MMAB: variants seen among roughly 807,000 people sequenced by gnomAD.
The protein encoded by MMAB is metabolism of cobalamin associated B, also known as corrinoid adenosyltransferase MMAB.
Under a neutral mutation model 30.6 loss-of-function variants are expected in MMAB, and 17 were observed. The observed-to-expected ratio is 0.56, with a 90% CI of 0.38 to 0.83. The LOEUF (loss-of-function observed/expected upper bound fraction) is 0.83. MMAB is among the 40% of genes least tolerant of loss of function. The pLI, the probability that MMAB is intolerant of heterozygous loss-of-function variation, is 0.00. For missense variants in MMAB, 311 were observed against 331.6 expected (o/e 0.94, Z 0.48); for synonymous variants, 134 against 138.6 (o/e 0.97, Z 0.23).
Position 109,556,675 on chromosome 12 carries a change from C to T in MMAB, c.*353G>A, listed in dbSNP as rs564849110. On this transcript the variant is annotated 3_prime_UTR_variant, in exon 9 of 9. Transcript: ENST00000545712. ...ACACACACACACACACACACACACA[C>T]ACACACACACACACACACGGCTCCA... is the stretch of plus-strand genomic sequence containing the variant. The T allele has an allele frequency of 2.1e-6, 1 of 466,362 alleles. No homozygotes were observed. Among genetic ancestry groups the T allele is most frequent in the Admixed American group, 2.3e-5 (1 of 42,876 alleles). 28.9% of individuals were successfully genotyped at this position (466,362 alleles called of 1,614,324 possible). A position where few individuals can be genotyped will look rare whatever the true frequency, so the allele number is the denominator to read the frequency against.
chr12:109,573,471 A>G lies in MMAB; in HGVS notation c.10T>C (p.Cys4Arg), dbSNP rs146668962. 1.7e-4 allele frequency: 265 copies of G among 1,604,708 alleles called. 1 individual carries two copies. In the African/African-American group the frequency reaches 3.3e-3, roughly 20 times the overall value. Residue 4 changes from cysteine to arginine, a missense_variant, in exon 1 of 9, where the codon TGC becomes CGC. By Grantham distance (180) the Cys-to-Arg change is radical. Transcript: ENST00000545712. Reference sequence around the variant, plus strand: ...AGGCCAAGACGGCTCCCCAGGCCGCACACAGCCATGAGCCAGGCTGCTTGA... The same window carrying G: ...AGGCCAAGACGGCTCCCCAGGCCGCGCACAGCCATGAGCCAGGCTGCTTGA... MAV[C>R]GLGSRLGLGS...
At chr12:109,565,631 A>C (rs1043114188) in intron 3 of MMAB, among the ~76,000 whole-genome samples, 3 of 152,166 alleles carry the variant, frequency 2.0e-5, no homozygotes, top group Non-Finnish European at 2.9e-5. Flanking sequence ...CAAAGCTTAC[A>C]CCTTCATGTT....
At position 109,573,437 on chromosome 12, in the gene MMAB, C is replaced by T. The variant is rs367711757; in HGVS notation, c.44G>A (p.Arg15His). The change falls in exon 1 of 9, where the codon CGT becomes CAT. Residue 15 changes from arginine (R) to histidine (H), a missense_variant. Arg to His is a conservative substitution (Grantham distance 29). Transcript: ENST00000545712. Reference sequence around the variant, plus strand: ...GCCGAAGCACCCGCGCAGGCCAAGACGGCTCCCCAGGCCAAGACGGCTCCC... The same window carrying T: ...GCCGAAGCACCCGCGCAGGCCAAGATGGCTCCCCAGGCCAAGACGGCTCCC... ...GLGSRLGLGS[R>H]LGLRGCFGAA... 60 of 1,607,008 alleles carry T rather than the reference C, an allele frequency of 3.7e-5. No individual in the cohort carries two copies. Among genetic ancestry groups the T allele is most frequent in the Non-Finnish European group, 4.5e-5 (53 of 1,177,844 alleles).
At chr12:109,568,453 A>C (rs1884516947) in intron 3 of MMAB, 1 of 483,336 alleles carries the variant, frequency 2.1e-6, no homozygotes, top group Non-Finnish European at 3.8e-6. Flanking sequence ...GCATTATACT[A>C]ACTCACCTCT....
At chr12:109,562,007 T>G (rs1365493796) in intron 4 of MMAB, among the ~76,000 whole-genome samples, 155 bp from the exon 5 acceptor site, 1 of 152,178 alleles carries the variant, frequency 6.6e-6, no homozygotes, top group Non-Finnish European at 1.5e-5. Flanking sequence ...CATCCAAATC[T>G]CATGTTAAAT....
chr12:109,562,804 G>T lies in MMAB; in HGVS notation c.349-952C>A, dbSNP rs1449168842. ...TGGGTGAGGCCTGTGCTCTGTCCAG[G>T]TGGGGAGTGGGTTTGCTTGGAACAG... is the stretch of plus-strand genomic sequence containing the variant. On this transcript the variant is annotated intron_variant, in intron 4 of 8. Transcript: ENST00000545712. 4.6e-5 allele frequency among the ~76,000 whole-genome samples: 7 copies of T among 152,208 alleles called. No homozygotes were observed. In the East Asian group the frequency reaches 1.2e-3, roughly 25 times the overall value.
At position 109,554,150 on chromosome 12, in the gene MMAB, C is replaced by A; in HGVS notation, c.*2878G>T. 1 of 453,690 alleles carries A rather than the reference C, an allele frequency of 2.2e-6. No individual in the cohort carries two copies. Among genetic ancestry groups the A allele is most frequent in the South Asian group, 1.6e-5 (1 of 64,480 alleles). 28.1% of individuals were successfully genotyped at this position (453,690 alleles called of 1,614,324 possible). ...GTGACGAGGCCGCGTCCGGGGCTCA[C>A]ATCTTGGCACTGACTCCCCAGGACA... On this transcript the variant is annotated 3_prime_UTR_variant, in exon 9 of 9. Transcript: ENST00000545712.
In MMAB at chr12:109,554,017, G is replaced by T. The variant is rs1462124202; in HGVS notation, c.*3011C>A. 6 of 453,996 alleles carry T rather than the reference G, an allele frequency of 1.3e-5. No individual in the cohort carries two copies. The highest frequency in any genetic ancestry group is 2.6e-5 in the Non-Finnish European group (6 of 226,792). 28.1% of individuals were successfully genotyped at this position (453,996 alleles called of 1,614,324 possible). A position where few individuals can be genotyped will look rare whatever the true frequency, so the allele number is the denominator to read the frequency against. ...GTTAAGGGAAACTAGGTTGAGAAAT[G>T]AGACAGCAGGATCTATCAGAGCCTG... On this transcript the variant is annotated 3_prime_UTR_variant, in exon 9 of 9. Transcript: ENST00000545712.
In MMAB at chr12:109,561,907, G is replaced by A; in HGVS notation, c.349-55C>T. ...ATCTATGTGAGATGGGCTGGACAGA[G>A]ACAATGTGCAGAGGCGCCACCTAAT... On this transcript the variant is annotated intron_variant, in intron 4 of 8. Transcript: ENST00000545712. This position sits in a 1 kb window ranked among gnomAD's most constrained non-coding sequence, Gnocchi z 5.3. 6.6e-7 allele frequency: 1 copy of A among 1,511,938 alleles called. No homozygotes were observed. Among genetic ancestry groups the A allele is most frequent in the Non-Finnish European group, 9.0e-7 (1 of 1,105,986 alleles). The allele number at this position is 1,511,938 out of a possible 1,614,324, so 93.7% of individuals were successfully genotyped here.
chr12:109,565,355 G>A (rs573172412), intron 3 of MMAB, among the ~76,000 whole-genome samples, 179 bp from the exon 4 acceptor site: 7 of 152,290 alleles, frequency 4.6e-5, no homozygotes, highest in Admixed American at 4.6e-4. Context: ...GGTGGTATTT[G>A]TTTCTTGAAA....
At chr12:109,565,634 T>G (rs1249965453) in intron 3 of MMAB, among the ~76,000 whole-genome samples, 1 of 152,184 alleles carries the variant, frequency 6.6e-6, no homozygotes, top group East Asian at 1.9e-4. Flanking sequence ...AGCTTACACC[T>G]TCATGTTCAG....
Position 109,569,516 on chromosome 12 carries a change from G to A in MMAB, c.197-653C>T, listed in dbSNP as rs967101169. 2.0e-5 allele frequency among the ~76,000 whole-genome samples: 3 copies of A among 152,048 alleles called. No individual in the cohort carries two copies. The highest frequency in any genetic ancestry group is 2.9e-5 in the Non-Finnish European group (2 of 68,014). ...CCATCCTGATAAAGAAATACAACAC[G>A]TTCTATATTTTATATCATATATACA... On this transcript the variant is annotated intron_variant, in intron 2 of 8. Coordinates refer to ENST00000545712, the MANE Select transcript of MMAB (RefSeq NM_052845.4). This position sits in a 1 kb window ranked among gnomAD's most constrained non-coding sequence, Gnocchi z 4.1.
chr12:109,566,968 GCTGA>G (rs763105287), intron 3 of MMAB: 84 of 455,940 alleles, frequency 1.8e-4, no homozygotes, highest in Middle Eastern at 1.7e-3. Context: ...TACCCGGCTG[GCTGA>G]CTATCTGTAC....
At chr12:109,560,314 C>G (rs955216778) in intron 7 of MMAB, among the ~76,000 whole-genome samples, 1 of 152,284 alleles carries the variant, frequency 6.6e-6, no homozygotes, top group East Asian at 1.9e-4. Flanking sequence ...TTTCTCTGAG[C>G]CACAGCTTCC....
intron 8 of MMAB, 139 bp from the exon 9 acceptor site, chr12:109,557,275 C>T (rs1031234110): frequency 1.4e-6 from 1 of 712,956 alleles, no homozygotes; most frequent in Non-Finnish European, 2.5e-6. Flanking sequence ...GGGCGGGGGC[C>T]CAGCCATCTT....
rs180700293 is a variant in MMAB at position 109,558,632 on chromosome 12, C to T, written c.644+464G>A. On this transcript the variant is annotated intron_variant, in intron 8 of 8. Coordinates refer to ENST00000545712, the MANE Select transcript of MMAB (RefSeq NM_052845.4). The surrounding 1 kb of genome is among the most constrained non-coding windows in gnomAD (Gnocchi z 4.3). ...CCTGGGCTAGCCTGGCTCACTGGGG[C>T]CTGCATGGGGTCCCCTGAGCGCAGC... Among the ~76,000 whole-genome samples the T allele has an allele frequency of 0.011, 1,607 of 152,120 alleles. 31 individuals carry two copies. Among genetic ancestry groups the T allele is most frequent in the African/African-American group, 0.037 (1,541 of 41,516 alleles).
intron 7 of MMAB, 135 bp from the exon 8 acceptor site, chr12:109,559,290 A>G: frequency 1.4e-6 from 1 of 730,058 alleles, no homozygotes; most frequent in South Asian, 1.5e-5. Flanking sequence ...CCGGCAGTGG[A>G]GATGACAAAT....
chr12:109,557,244 T>C, intron 8 of MMAB, 108 bp from the exon 9 acceptor site: 2 of 807,450 alleles, frequency 2.5e-6, no homozygotes, highest in Non-Finnish European at 4.3e-6. Flanking sequence ...AATGACGCAC[T>C]CTGGGCACAT....
rs1455449419 is a variant in MMAB, at chr12:109,573,476, G to A, written c.5C>T (p.Ala2Val). Residue 2 changes from alanine (A) to valine (V), a missense_variant, in exon 1 of 9, where the codon GCT becomes GTT. Physicochemically the swap from Ala to Val is moderately conservative, Grantham distance 64. Coordinates refer to ENST00000545712, the MANE Select transcript of MMAB (RefSeq NM_052845.4). ...AAGACGGCTCCCCAGGCCGCACACA[G>A]CCATGAGCCAGGCTGCTTGACGGGA... M[A>V]VCGLGSRLGL... The A allele has an allele frequency of 3.4e-5, 55 of 1,603,248 alleles. No homozygotes were observed. The highest frequency in any genetic ancestry group is 4.7e-5 in the Non-Finnish European group (55 of 1,178,128).
Sources: allele counts gnomAD v4.1 joint callset (sites outside exome capture counted in the v4.1 genomes callset), GRCh38; gene constraint gnomAD v4.1.1; non-coding constraint Gnocchi (gnomAD v3.1); transcripts MANE v1.5; gene names NCBI Gene and HGNC (gene_info 2026-07-23, HGNC 2026-07-21).